The following NIBAN3 variants were observed in gnomAD, a reference collection of about 807,000 sequenced individuals.
NIBAN3 encodes the protein niban apoptosis regulator 3.
NIBAN3 carries 66 observed loss-of-function variants against 76.4 expected under a neutral mutation model. The ratio of observed to expected loss-of-function variants is 0.86; its 90% CI spans 0.71 to 1.06. NIBAN3 has a LOEUF of 1.06. Among genes scored for constraint, NIBAN3 ranks in the 50% least tolerant of loss-of-function variants. NIBAN3 has a pLI of 0.00. For missense variants in NIBAN3, 808 were observed against 810.7 expected (o/e 1.00, Z 0.04); for synonymous variants, 360 against 355.2 (o/e 1.01, Z -0.15).
chr19:17,530,640 A>G, intron 1 of NIBAN3, 115 bp from the exon 2 acceptor site: 1 of 931,304 alleles, frequency 1.1e-6, no homozygotes, highest in Non-Finnish European at 1.5e-6. Context: ...CTTGTCTGGA[A>G]GCTCAGGATG....
Position 17,530,836 on chromosome 19 carries a change from G to T in NIBAN3, c.137G>T (p.Arg46Leu), listed in dbSNP as rs140895055. 2 of 1,613,534 alleles carry T rather than the reference G, an allele frequency of 1.2e-6. No individual in the cohort carries two copies. Among genetic ancestry groups the T allele is most frequent in the Non-Finnish European group, 1.7e-6 (2 of 1,179,962 alleles). The change falls in exon 2 of 15, where the codon CGA becomes CTA. Residue 46 changes from arginine (R) to leucine (L), a missense_variant. Physicochemically the swap from Arg to Leu is moderately radical, Grantham distance 102 (BLOSUM62 -2). Transcript: ENST00000599164. The stretch of plus-strand genomic sequence containing the variant: ...GCGTCTGTCCTGCGGCAGATCTCTC[G>T]AGAGCTGGGCCCTCAGGAGCCGACC... ...LAASVLRQIS[R>L]ELGPQEPTGS...
Position 17,552,135 on chromosome 19 carries a change from GT to G in NIBAN3, c.*238del, listed in dbSNP as rs2045703404. 3.8e-6 allele frequency: 1 copy of G among 262,600 alleles called. No individual in the cohort carries two copies. Among genetic ancestry groups the G allele is most frequent in the African/African-American group, 2.3e-5 (1 of 43,914 alleles). 16.3% of individuals were successfully genotyped at this position (262,600 alleles called of 1,614,324 possible). ...GCTCTGTCACCCGGGCTGGAGTGCA[GT>G]GGCAGGATCTCGGCTCACTGCAACC... is the stretch of plus-strand genomic sequence containing the variant. On this transcript the variant is annotated 3_prime_UTR_variant, in exon 15 of 15. Coordinates refer to ENST00000599164, the MANE Select transcript of NIBAN3 (RefSeq NM_001321827.2).
chr19:17,539,402 T>A lies in NIBAN3; in HGVS notation c.767T>A (p.Leu256His). 6.5e-7 allele frequency: 1 copy of A among 1,533,868 alleles called. No individual in the cohort carries two copies. Among genetic ancestry groups the A allele is most frequent in the Non-Finnish European group, 8.7e-7 (1 of 1,142,914 alleles). The stretch of plus-strand genomic sequence containing the variant: ...CTTCCCGCGCTGCGAGCCCAGACCC[T>A]TCCTGGCCTGCGGGGGGCAGGCCGC... ...EQLPALRAQT[L>H]PGLRGAGRAR... Residue 256 changes from leucine (L) to histidine (H), a missense_variant, in exon 7 of 15, where the codon CTT becomes CAT. Physicochemically the swap from Leu to His is moderately conservative, Grantham distance 99. Transcript: ENST00000599164.
At chr19:17,527,921 T>G (rs1253231053) in intron 1 of NIBAN3, among the ~76,000 whole-genome samples, 1 of 152,006 alleles carries the variant, frequency 6.6e-6, no homozygotes, top group Non-Finnish European at 1.5e-5. Flanking sequence ...CTTGAACTCC[T>G]GAGCTCAAGC....
intron 4 of NIBAN3, among the ~76,000 whole-genome samples, chr19:17,536,385 C>T (rs1050234337): frequency 3.9e-5 from 6 of 152,170 alleles, no homozygotes; most frequent in African/African-American, 1.4e-4. Flanking sequence ...GACGGGGTTT[C>T]ACCACGTTGG....
At chr19:17,554,222 G>T (rs2144806851), downstream of NIBAN3, among the ~76,000 whole-genome samples, 1 of 151,806 alleles carries the variant, frequency 6.6e-6, no homozygotes, top group Admixed American at 6.6e-5. Flanking sequence ...TGGCTCACTG[G>T]TAATCCCAGC....
chr19:17,533,401 C>T lies in NIBAN3; in HGVS notation c.313-186C>T, dbSNP rs1349607066. The T allele has an allele frequency of 1.8e-5, 9 of 495,016 alleles. 1 individual carries two copies. The allele number at this position is 495,016 out of a possible 1,614,324, so 30.7% of individuals were successfully genotyped here. A position where few individuals can be genotyped will look rare whatever the true frequency, so the allele number is the denominator to read the frequency against. ...CTCCAGCCTGGGTGACAGAGTGAGA[C>T]TCTGTCTCAAAAACAAAAAAAAAAA... On this transcript the variant is annotated intron_variant, in intron 3 of 14. Transcript: ENST00000599164.
chr19:17,549,507 C>T lies in NIBAN3; in HGVS notation c.1730C>T (p.Pro577Leu). 6.2e-7 allele frequency: 1 copy of T among 1,613,710 alleles called. No individual in the cohort carries two copies. The highest frequency in any genetic ancestry group is 8.5e-7 in the Non-Finnish European group (1 of 1,179,690). ...ACTCTGGACGGCTGCTTGGAGGTCCCATGGGAACAGGAGGGAGCAGGTGGG... is the reference window on the plus strand; with the variant it reads ...ACTCTGGACGGCTGCTTGGAGGTCCTATGGGAACAGGAGGGAGCAGGTGGG... ...SCTLDGCLEV[P>L]WEQEGADEET... is the part of the protein sequence containing the mutation. The change falls in exon 14 of 15, where the codon CCA (proline) becomes CTA (leucine). Residue 577 changes from proline (P) to leucine (L), a missense_variant. Pro to Leu is a moderately conservative substitution (Grantham distance 98). Transcript: ENST00000599164.
chr19:17,551,191 G>A (rs2076149329), intron 14 of NIBAN3, among the ~76,000 whole-genome samples: 1 of 151,988 alleles, frequency 6.6e-6, no homozygotes, highest in Non-Finnish European at 1.5e-5. Flanking sequence ...CACCTTGCGG[G>A]TTCAAGCAAT....
chr19:17,549,568 C>T (rs1218128036), intron 14 of NIBAN3, 41 bp downstream of exon 14: 1 of 1,514,820 alleles, frequency 6.6e-7, no homozygotes, highest in South Asian at 1.1e-5. Flanking sequence ...CCAGTGATTG[C>T]TGGGGGTGGG....
Position 17,553,210 on chromosome 19 carries a change from A to G in NIBAN3, c.*1312A>G. 6.6e-7 allele frequency: 1 copy of G among 1,509,066 alleles called. No homozygotes were observed. Among genetic ancestry groups the G allele is most frequent in the Admixed American group, 2.2e-5 (1 of 44,848 alleles). The allele number at this position is 1,509,066 out of a possible 1,614,324, so 93.5% of individuals were successfully genotyped here. A position where few individuals can be genotyped will look rare whatever the true frequency, so the allele number is the denominator to read the frequency against. On this transcript the variant is annotated 3_prime_UTR_variant, in exon 15 of 15. Transcript: ENST00000599164. ...TTTGCATTTTTCTTATTGATATCTAATAACTCTTTATATCTGAAGGATATG... is the reference window on the plus strand; with the variant it reads ...TTTGCATTTTTCTTATTGATATCTAGTAACTCTTTATATCTGAAGGATATG...
At chr19:17,539,949 G>A (rs1487074609) in intron 8 of NIBAN3, among the ~76,000 whole-genome samples, 184 bp downstream of exon 8, 1 of 151,992 alleles carries the variant, frequency 6.6e-6, no homozygotes, top group Non-Finnish European at 1.5e-5. Flanking sequence ...AAGCGAGGCG[G>A]TGGGCGTGGT....
chr19:17,553,871 CTTTTTT>C, downstream of NIBAN3: 1 of 140,884 alleles, frequency 7.1e-6, no homozygotes, highest in South Asian at 1.8e-4. Context: ...TTGTTTTTAC[CTTTTTT>C]TTTTTTTTTT....
At chr19:17,524,956 A>G (rs1014812719), upstream of NIBAN3, among the ~76,000 whole-genome samples, 1 of 152,242 alleles carries the variant, frequency 6.6e-6, no homozygotes, top group African/African-American at 2.4e-5. Flanking sequence ...AGTCTGGAAG[A>G]TGAGTCTCCA....
intron 4 of NIBAN3, among the ~76,000 whole-genome samples, chr19:17,536,791 G>T (rs1387645506): frequency 6.6e-6 from 1 of 152,024 alleles, no homozygotes; most frequent in Non-Finnish European, 1.5e-5. Flanking sequence ...CCCCATTTGG[G>T]CAGGAAAATC....
intron 1 of NIBAN3, among the ~76,000 whole-genome samples, chr19:17,527,658 C>T (rs1445685519): frequency 2.6e-5 from 4 of 151,820 alleles, no homozygotes; most frequent in African/African-American, 7.3e-5. Flanking sequence ...GCAATTCTCC[C>T]GCCTTAACCT....
chr19:17,526,409 G>A (rs544214610), upstream of NIBAN3, among the ~76,000 whole-genome samples: 31 of 152,144 alleles, frequency 2.0e-4, no homozygotes, highest in Admixed American at 1.4e-3. Context: ...TTGGGAGGCC[G>A]AGGTGGGCGG....
chr19:17,531,682 C>T (rs1170551964), intron 2 of NIBAN3, among the ~76,000 whole-genome samples: 2 of 152,118 alleles, frequency 1.3e-5, no homozygotes, highest in African/African-American at 2.4e-5. Context: ...CACAGGCGCC[C>T]GCCACCATGC....
chr19:17,539,910 A>C, intron 8 of NIBAN3, 145 bp downstream of exon 8: 2 of 188,824 alleles, frequency 1.1e-5, no homozygotes, highest in Admixed American at 8.1e-5. Context: ...AGGATGTGCA[A>C]GGGAACGGGT....
Sources: gnomAD v4.1 joint callset for allele counts (sites outside exome capture counted in the v4.1 genomes callset) on GRCh38, gnomAD v4.1.1 for gene constraint, MANE v1.5 for transcripts, NCBI Gene and HGNC (gene_info 2026-07-23, HGNC 2026-07-21) for gene names.